The following DPP9 variants were observed in gnomAD, a reference collection of about 807,000 sequenced individuals.
DPP9 encodes dipeptidyl peptidase 9.
A neutral mutation model predicts 110.7 loss-of-function variants in DPP9; 50 were observed. The observed-to-expected ratio is 0.45, with a 90% CI of 0.36 to 0.57. The LOEUF is 0.57. DPP9 is among the 20% of genes least tolerant of loss of function. The pLI is 0.00. For missense variants in DPP9, 1,022 were observed against 1,217.9 expected (o/e 0.84, Z 2.39); for synonymous variants, 561 against 514.4 (o/e 1.09, Z -1.23).
At chr19:4,683,155 G>T in intron 19 of DPP9, 1 of 1,445,296 alleles carries the variant, frequency 6.9e-7, no homozygotes, top group Non-Finnish European at 9.1e-7. Flanking sequence ...CCGCCGGCCT[G>T]GGGCCCCCCC....
At chr19:4,686,634 C>T (rs575234351) in intron 16 of DPP9, among the ~76,000 whole-genome samples, 2 of 152,256 alleles carry the variant, frequency 1.3e-5, no homozygotes, top group East Asian at 3.9e-4. Flanking sequence ...AACTCCTGAC[C>T]TTGGGTGACC....
At chr19:4,719,023 GT>G (rs1397673029) in intron 3 of DPP9, among the ~76,000 whole-genome samples, 1 of 152,024 alleles carries the variant, frequency 6.6e-6, no homozygotes, top group East Asian at 1.9e-4. Context: ...CACTTCTTCA[GT>G]TCTGGGATCC....
rs571781593 is a variant in DPP9, at chr19:4,684,906, G to A, written c.2032-97C>T. 8 of 1,481,954 alleles carry A rather than the reference G, an allele frequency of 5.4e-6. No homozygotes were observed. The East Asian group carries it at 1.2e-4, about 23-fold the overall frequency. 91.8% of individuals were successfully genotyped at this position (1,481,954 alleles called of 1,614,324 possible). ...GTGGGCTGGGGACCGGGCCGGGCTG[G>A]GGCCTCAGAGCCTAATGAAAGCACC... is the stretch of plus-strand genomic sequence containing the variant. On this transcript the variant is annotated intron_variant, in intron 17 of 21. Transcript: ENST00000262960. The surrounding 1 kb of genome is among the most constrained non-coding windows in gnomAD (Gnocchi z 4.8).
chr19:4,713,531 A>C (rs372907115), intron 4 of DPP9, among the ~76,000 whole-genome samples: 10 of 152,222 alleles, frequency 6.6e-5, no homozygotes, highest in Non-Finnish European at 1.0e-4. Context: ...CAGGGGCTGC[A>C]AGCGCGTGGC....
rs2092493034 is a variant in DPP9 at position 4,704,803 on chromosome 19, A to G, written c.427-499T>C. Among the ~76,000 whole-genome samples, 1 of 152,218 alleles carries G rather than the reference A, an allele frequency of 6.6e-6. No homozygotes were observed. The highest frequency in any genetic ancestry group is 2.4e-5 in the African/African-American group (1 of 41,456). ...ATCACGAGGTCAGAAATTCGAGACC[A>G]GCCTGGCCAATATGGTGAAACCCCG... On this transcript the variant is annotated intron_variant, in intron 5 of 21. Coordinates refer to ENST00000262960, the MANE Select transcript of DPP9 (RefSeq NM_139159.5). The surrounding 1 kb of genome is among the most constrained non-coding windows in gnomAD (Gnocchi z 6.0).
At chr19:4,702,532 G>A in intron 8 of DPP9, 71 bp downstream of exon 8, 1 of 1,201,122 alleles carries the variant, frequency 8.3e-7, no homozygotes, top group South Asian at 1.4e-5. Context: ...TAAGGCGCAG[G>A]AAGGACACAG....
At chr19:4,712,093 G>A (rs2092863279) in intron 4 of DPP9, among the ~76,000 whole-genome samples, 1 of 152,212 alleles carries the variant, frequency 6.6e-6, no homozygotes. Context: ...ACGGGAGCAA[G>A]TGGCCCAAGA....
chr19:4,682,067 C>T lies in DPP9; in HGVS notation c.2474+629G>A, dbSNP rs1252536498. Among the ~76,000 whole-genome samples, 1 of 152,000 alleles carries T rather than the reference C, an allele frequency of 6.6e-6. No homozygotes were observed. Among genetic ancestry groups the T allele is most frequent in the Non-Finnish European group, 1.5e-5 (1 of 67,984 alleles). On this transcript the variant is annotated intron_variant, in intron 20 of 21. Transcript: ENST00000262960. The surrounding 1 kb of genome is among the most constrained non-coding windows in gnomAD (Gnocchi z 7.1). ...GTTTCATCTTGTTAGCCAGGATGGT[C>T]TCAATCTCCTGACCTCACGATCCGC... is the stretch of plus-strand genomic sequence containing the variant.
At chr19:4,721,874 C>T (rs1269788533) in intron 2 of DPP9, among the ~76,000 whole-genome samples, 1 of 152,202 alleles carries the variant, frequency 6.6e-6, no homozygotes, top group Non-Finnish European at 1.5e-5. Context: ...ACTGGCCATA[C>T]TCTCAGTCCA....
In DPP9 at chr19:4,718,538, C is replaced by T. The variant is rs1314966749; in HGVS notation, c.56+1313G>A. ...AAGTGCCCCTGCAAGTGGGGGCTGC[C>T]GGGGAAACAGCATGCCACCCTCTGT... On this transcript the variant is annotated intron_variant, in intron 3 of 21. Transcript: ENST00000262960. This position sits in a 1 kb window ranked among gnomAD's most constrained non-coding sequence, Gnocchi z 4.3. Among the ~76,000 whole-genome samples, 1 of 152,184 alleles carries T rather than the reference C, an allele frequency of 6.6e-6. No homozygotes were observed. Among genetic ancestry groups the T allele is most frequent in the East Asian group, 1.9e-4 (1 of 5,192 alleles).
At position 4,710,059 on chromosome 19, in the gene DPP9, G is replaced by A. The variant is rs899708330; in HGVS notation, c.313+4022C>T. 7.2e-5 allele frequency among the ~76,000 whole-genome samples: 11 copies of A among 152,182 alleles called. No homozygotes were observed. Among genetic ancestry groups the A allele is most frequent in the African/African-American group, 1.7e-4 (7 of 41,450 alleles). ...TTTGAGGCAAGGGCTAGAGGTGACC[G>A]CCAAGGGCTGTGGATTTCTGCTGCC... On this transcript the variant is annotated intron_variant, in intron 4 of 21. Coordinates refer to ENST00000262960, the MANE Select transcript of DPP9 (RefSeq NM_139159.5). The surrounding 1 kb of genome is among the most constrained non-coding windows in gnomAD (Gnocchi z 5.6).
At chr19:4,708,960 C>G (rs1345761043) in intron 4 of DPP9, among the ~76,000 whole-genome samples, 1 of 152,230 alleles carries the variant, frequency 6.6e-6, no homozygotes, top group African/African-American at 2.4e-5. Context: ...CACTGTCACC[C>G]AGGCTGGAGT....
Position 4,689,526 on chromosome 19 carries a change from G to A in DPP9, c.1749+44C>T. 3.3e-6 allele frequency: 5 copies of A among 1,533,858 alleles called. No homozygotes were observed. Among genetic ancestry groups the A allele is most frequent in the Non-Finnish European group, 3.5e-6 (4 of 1,145,136 alleles). On this transcript the variant is annotated intron_variant, in intron 15 of 21. Coordinates refer to ENST00000262960, the MANE Select transcript of DPP9 (RefSeq NM_139159.5). The surrounding 1 kb of genome is among the most constrained non-coding windows in gnomAD (Gnocchi z 7.0). ...TGAGGGACTGCTCTGGCTGGGAGCTGTTGGACGGGCACAGGGCGGTGCCGT... is the reference window on the plus strand; with the variant it reads ...TGAGGGACTGCTCTGGCTGGGAGCTATTGGACGGGCACAGGGCGGTGCCGT...
Position 4,689,867 on chromosome 19 carries a change from A to G in DPP9, c.1597-145T>C. Reference sequence around the variant, plus strand: ...CCCAAGTCTGGCTTTAGGGCTGGAGATGAACCATCCCTGAGAGATGCGCTT... The same window carrying G: ...CCCAAGTCTGGCTTTAGGGCTGGAGGTGAACCATCCCTGAGAGATGCGCTT... On this transcript the variant is annotated intron_variant, in intron 14 of 21. Transcript: ENST00000262960. This position sits in a 1 kb window ranked among gnomAD's most constrained non-coding sequence, Gnocchi z 7.0. 2.2e-6 allele frequency: 2 copies of G among 921,934 alleles called. No homozygotes were observed. The highest frequency in any genetic ancestry group is 2.8e-5 in the East Asian group (1 of 35,438). The allele number at this position is 921,934 out of a possible 1,614,324, so 57.1% of individuals were successfully genotyped here. A position where few individuals can be genotyped will look rare whatever the true frequency, so the allele number is the denominator to read the frequency against.
At position 4,722,489 on chromosome 19, in the gene DPP9, C is replaced by T. The variant is rs942955742; in HGVS notation, c.-36+10G>A. 8.5e-6 allele frequency: 6 copies of T among 702,948 alleles called. No homozygotes were observed. The highest frequency in any genetic ancestry group is 5.2e-5 in the African/African-American group (3 of 57,262). The allele number at this position is 702,948 out of a possible 1,614,324, so 43.5% of individuals were successfully genotyped here. A position where few individuals can be genotyped will look rare whatever the true frequency, so the allele number is the denominator to read the frequency against. On this transcript the variant is annotated intron_variant, in intron 2 of 21. Coordinates refer to ENST00000262960, the MANE Select transcript of DPP9 (RefSeq NM_139159.5). ...AGCCTTCCTGGCTGCCAAACCCCAG[C>T]ACAACTGACCTTCTAAAGGGTCCAG... is the stretch of plus-strand genomic sequence containing the variant.
chr19:4,697,577 C>T lies in DPP9; in HGVS notation c.1149G>A (p.Arg383=). 1 of 1,613,870 alleles carries T rather than the reference C, an allele frequency of 6.2e-7. No individual in the cohort carries two copies. The highest frequency in any genetic ancestry group is 8.5e-7 in the Non-Finnish European group (1 of 1,179,828). Residue 383 remains arginine, a synonymous_variant, in exon 11 of 22, where the codon AGG becomes AGA. Coordinates refer to ENST00000262960, the MANE Select transcript of DPP9 (RefSeq NM_139159.5). ...ATTTGCCATCCCGGGTCCACCCGGC[C>T]CTGGCGATGTACTCCACCTTCGGGA... ...SLFPKVEYIA[R]AGWTRDGKYA...
chr19:4,719,746 G>T, intron 3 of DPP9, 105 bp downstream of exon 3: 1 of 1,334,836 alleles, frequency 7.5e-7, no homozygotes, highest in Non-Finnish European at 1.1e-6. Flanking sequence ...TGCTGGGGAA[G>T]CCAGGGGAGA....
Position 4,676,722 on chromosome 19 carries a change from C to T in DPP9, c.2587-66G>A. On this transcript the variant is annotated intron_variant, in intron 21 of 21. Coordinates refer to ENST00000262960, the MANE Select transcript of DPP9 (RefSeq NM_139159.5). The surrounding 1 kb of genome is among the most constrained non-coding windows in gnomAD (Gnocchi z 4.0). ...ACCACCCCCGTGTCCTAGGCTCCTC[C>T]CTTATTCTGGCTCAGGGCATCCGGG... 1.4e-6 allele frequency: 2 copies of T among 1,383,256 alleles called. No individual in the cohort carries two copies. Among genetic ancestry groups the T allele is most frequent in the Non-Finnish European group, 2.0e-6 (2 of 997,388 alleles). The allele number at this position is 1,383,256 out of a possible 1,614,324, so 85.7% of individuals were successfully genotyped here.
chr19:4,716,434 G>A (rs1380215206), intron 3 of DPP9, among the ~76,000 whole-genome samples: 1 of 152,078 alleles, frequency 6.6e-6, no homozygotes, highest in Non-Finnish European at 1.5e-5. Flanking sequence ...TCAGCAGATC[G>A]AGACCATCCT....
Sources: allele counts gnomAD v4.1 joint callset (sites outside exome capture counted in the v4.1 genomes callset), GRCh38; gene constraint gnomAD v4.1.1; non-coding constraint Gnocchi (gnomAD v3.1); transcripts MANE v1.5; gene names NCBI Gene and HGNC (gene_info 2026-07-23, HGNC 2026-07-21).